Variants in WASF2 observed in about 807,000 individuals in gnomAD.
The protein encoded by WASF2 is actin-binding protein WASF2.
WASF2 carries 14 observed loss-of-function variants against 45.0 expected under a neutral mutation model. The observed-to-expected ratio is 0.31, with a 90% CI of 0.21 to 0.49. The LOEUF (loss-of-function observed/expected upper bound fraction) is 0.49, where lower values mean the gene tolerates loss of function less well. Among genes scored for constraint, WASF2 ranks in the 20% least tolerant of loss-of-function variants. WASF2 has a pLI of 0.99. For synonymous variants in WASF2, 200 were observed against 236.3 expected (o/e 0.85, Z 1.41); for missense variants, 439 against 636.1 (o/e 0.69, Z 3.33).
In WASF2 at chr1:27,414,701, AT is replaced by A. The variant is rs2016805206; in HGVS notation, c.668+131del. ...AGATGGATGCACTTTAAAGTAGCTGATTAACAGTGGTATTGATCTAAGCCAC... is the reference window on the plus strand; with the variant it reads ...AGATGGATGCACTTTAAAGTAGCTGATAACAGTGGTATTGATCTAAGCCAC... On this transcript the variant is annotated intron_variant, in intron 6 of 8. Coordinates refer to ENST00000618852, the MANE Select transcript of WASF2 (RefSeq NM_006990.5). This position sits in a 1 kb window ranked among gnomAD's most constrained non-coding sequence, Gnocchi z 4.1. 3 of 1,219,584 alleles carry A rather than the reference AT, an allele frequency of 2.5e-6. No homozygotes were observed. The African/African-American group carries it at 4.6e-5, about 19-fold the overall frequency. The allele number at this position is 1,219,584 out of a possible 1,614,324, so 75.5% of individuals were successfully genotyped here.
At chr1:27,479,876 C>T (rs2017822637) in intron 1 of WASF2, among the ~76,000 whole-genome samples, 1 of 152,076 alleles carries the variant, frequency 6.6e-6, no homozygotes, top group South Asian at 2.1e-4. Context: ...AAAAAACAAA[C>T]AAACAAAAAA....
chr1:27,428,867 G>C lies in WASF2; in HGVS notation c.24C>G (p.Ile8Met). Residue 8 changes from isoleucine to methionine, a missense_variant, in exon 2 of 9, where the codon ATC becomes ATG. This residue lies in a region of WASF2 where 16 missense variants were observed against 21.1 expected (regional missense o/e 0.76). Coordinates refer to ENST00000618852, the MANE Select transcript of WASF2 (RefSeq NM_006990.5). ...TCTGACGGCACAGGTGCCTTGGCTC[G>C]ATGTTCCTCGTTACTAACGGCATGG... MPLVTRN[I>M]EPRHLCRQTL... 6.2e-7 allele frequency: 1 copy of C among 1,614,110 alleles called. No homozygotes were observed. Among genetic ancestry groups the C allele is most frequent in the Non-Finnish European group, 8.5e-7 (1 of 1,180,030 alleles).
At chr1:27,408,370 T>G (rs772611810) in intron 8 of WASF2, 24 bp from the exon 9 acceptor site, 1 of 1,613,820 alleles carries the variant, frequency 6.2e-7, no homozygotes, top group Non-Finnish European at 8.5e-7. Flanking sequence ...GACAGAAGGG[T>G]GAGGAAGGCG....
intron 1 of WASF2, among the ~76,000 whole-genome samples, chr1:27,440,328 A>G (rs1358612507): frequency 6.6e-6 from 1 of 152,210 alleles, no homozygotes; most frequent in South Asian, 2.1e-4. Flanking sequence ...TTTTTAGACC[A>G]GTCTAGGCAA....
At chr1:27,473,551 A>G (rs1447979102) in intron 1 of WASF2, among the ~76,000 whole-genome samples, 2 of 152,102 alleles carry the variant, frequency 1.3e-5, no homozygotes, top group Admixed American at 1.3e-4. Context: ...TGGAAGAAAC[A>G]ACACAGTAAG....
intron 1 of WASF2, among the ~76,000 whole-genome samples, chr1:27,436,826 T>C (rs2017144005): frequency 6.6e-6 from 1 of 152,164 alleles, no homozygotes; most frequent in Admixed American, 6.5e-5. Context: ...GAAATGGAAC[T>C]CCTGCGGTAG....
chr1:27,454,826 C>T (rs2017446258), intron 1 of WASF2, among the ~76,000 whole-genome samples: 1 of 151,874 alleles, frequency 6.6e-6, no homozygotes, highest in African/African-American at 2.4e-5. Flanking sequence ...AGGAACATAT[C>T]ATGATTAACT....
rs143018708 is a variant in WASF2 at position 27,445,825 on chromosome 1, T to C, written c.-43-16892A>G. Among the ~76,000 whole-genome samples, 63 of 151,444 alleles carry C rather than the reference T, an allele frequency of 4.2e-4. No individual in the cohort carries two copies. In the East Asian group the frequency reaches 0.012, roughly 28 times the overall value. On this transcript the variant is annotated intron_variant, in intron 1 of 8. Transcript: ENST00000618852. ...TTCATTCTCTGTTTAGCTCATCAAATCTTCTCATCAGGGACTTTTTTTTTT... is the reference window on the plus strand; with the variant it reads ...TTCATTCTCTGTTTAGCTCATCAAACCTTCTCATCAGGGACTTTTTTTTTT...
At position 27,417,327 on chromosome 1, in the gene WASF2, T is replaced by C. The variant is rs77408189; in HGVS notation, c.419+942A>G. ...GCAGAGTCAAACCTCTGTCCTGCTATGCTGGTCCCTTTGAAAGCCAAGGGG... is the reference window on the plus strand; with the variant it reads ...GCAGAGTCAAACCTCTGTCCTGCTACGCTGGTCCCTTTGAAAGCCAAGGGG... On this transcript the variant is annotated intron_variant, in intron 4 of 8. Transcript: ENST00000618852. 4.9e-3 allele frequency among the ~76,000 whole-genome samples: 744 copies of C among 152,314 alleles called. 46 individuals are homozygous for C. In the East Asian group the frequency reaches 0.13, roughly 27 times the overall value.
chr1:27,426,234 T>G (rs1482804597), intron 2 of WASF2, among the ~76,000 whole-genome samples: 2 of 152,166 alleles, frequency 1.3e-5, no homozygotes, highest in Non-Finnish European at 2.9e-5. Context: ...CTTTCAAACC[T>G]TCAGAAATTC....
intron 8 of WASF2, among the ~76,000 whole-genome samples, chr1:27,409,380 G>A (rs528892453): frequency 3.9e-4 from 49 of 127,146 alleles, no homozygotes; most frequent in African/African-American, 1.4e-3. Context: ...AGCCGAGATC[G>A]AGCCACTGCA....
intron 1 of WASF2, among the ~76,000 whole-genome samples, chr1:27,454,141 GTGTGTGTGTGTGTATATATATATATA>G (rs1557612158): frequency 4.5e-5 from 2 of 44,806 alleles, no homozygotes; most frequent in East Asian, 1.6e-3. Flanking sequence ...ATATATGTGT[GTGTGTGTGTGTGTATATATATATATA>G]TATATATATA....
intron 1 of WASF2, among the ~76,000 whole-genome samples, chr1:27,479,207 AC>A (rs2017812602): frequency 6.6e-6 from 1 of 151,032 alleles, no homozygotes; most frequent in African/African-American, 2.4e-5. Flanking sequence ...AATTGCTTGA[AC>A]CCGGGAGGCG....
chr1:27,469,943 CA>C (rs368527250), intron 1 of WASF2, among the ~76,000 whole-genome samples: 205 of 139,176 alleles, frequency 1.5e-3, no homozygotes, highest in Middle Eastern at 3.7e-3. Flanking sequence ...GACTCTGTGT[CA>C]AAAAAAAAAA....
At chr1:27,418,852 G>T (rs2016862044) in intron 3 of WASF2, 102 bp downstream of exon 3, 14 of 1,402,416 alleles carry the variant, frequency 1.0e-5, no homozygotes, top group African/African-American at 1.5e-5. Context: ...AGGTCTCTGT[G>T]ATTTCTCTCC....
At chr1:27,463,622 C>CAAAAAA (rs998488815) in intron 1 of WASF2, among the ~76,000 whole-genome samples, 1 of 41,866 alleles carries the variant, frequency 2.4e-5, no homozygotes, top group Non-Finnish European at 4.8e-5. Flanking sequence ...GACTCTGTCT[C>CAAAAAA]AAAAAAAAAA....
At position 27,470,174 on chromosome 1, in the gene WASF2, G is replaced by A. The variant is rs114213465; in HGVS notation, c.-44+19812C>T. On this transcript the variant is annotated intron_variant, in intron 1 of 8. Coordinates refer to ENST00000618852, the MANE Select transcript of WASF2 (RefSeq NM_006990.5). ...GAAATGAAGATGAGCGCATTATTGC[G>A]CCTGTAGTGGGAAACAGAGCTGGAA... is the stretch of plus-strand genomic sequence containing the variant. Among the ~76,000 whole-genome samples, 999 of 152,306 alleles carry A rather than the reference G, an allele frequency of 6.6e-3. 18 individuals are homozygous for A. The highest frequency in any genetic ancestry group is 0.023 in the African/African-American group (943 of 41,574).
At chr1:27,440,853 T>C (rs1176989927) in intron 1 of WASF2, among the ~76,000 whole-genome samples, 1 of 151,998 alleles carries the variant, frequency 6.6e-6, no homozygotes, top group African/African-American at 2.4e-5. Context: ...ATGACAGTGG[T>C]CCCATAAGAT....
At chr1:27,472,606 C>T (rs1289834081) in intron 1 of WASF2, among the ~76,000 whole-genome samples, 1 of 144,058 alleles carries the variant, frequency 6.9e-6, no homozygotes, top group Non-Finnish European at 1.5e-5. Context: ...TGCACTCCAG[C>T]ACTCCAGCAC....
Sources: allele counts gnomAD v4.1 joint callset (sites outside exome capture counted in the v4.1 genomes callset), GRCh38; gene constraint gnomAD v4.1.1; regional missense constraint gnomAD v4.1.1; non-coding constraint Gnocchi (gnomAD v3.1); transcripts MANE v1.5; gene names NCBI Gene and HGNC (gene_info 2026-07-23, HGNC 2026-07-21).